CTNNB1: variants seen among roughly 807,000 people sequenced by gnomAD.
CTNNB1 encodes catenin beta-1.
CTNNB1 carries 6 observed loss-of-function variants against 82.5 expected under a neutral mutation model. The observed-to-expected ratio is 0.07, with a 90% confidence interval of 0.04 to 0.14. The LOEUF is 0.14. CTNNB1 is among the 10% of genes least tolerant of loss of function. The pLI is 1.00. For synonymous variants in CTNNB1, 312 were observed against 329.7 expected, an observed-to-expected ratio of 0.95 and a Z score of 0.58; for missense variants, 529 against 980.4, an observed-to-expected ratio of 0.54 and a Z score of 6.15.
chr3:41,203,409 G>A (rs1053527844), intron 1 of CTNNB1, among the ~76,000 whole-genome samples: 2 of 152,114 alleles, frequency 1.3e-5, no homozygotes, highest in Admixed American at 1.3e-4. Context: ...GTCACTTTGA[G>A]TAGGCAGTTC....
At chr3:41,236,813 G>A (rs748292485) in intron 13 of CTNNB1, 104 bp downstream of exon 13, 22 of 1,474,236 alleles carry the variant, frequency 1.5e-5, no homozygotes, top group Non-Finnish European at 2.1e-5. Flanking sequence ...TTGCATTGAT[G>A]TTTCCCTGGC....
rs2125656823 is a variant in CTNNB1, at chr3:41,240,321, C to CTTG, written c.*982_*984dup. On this transcript the variant is annotated 3_prime_UTR_variant, in exon 15 of 15. Transcript: ENST00000349496. The stretch of plus-strand genomic sequence containing the variant: ...ATCAGTAAGAGGTGTTATTTGGAAC[C>CTTG]TTGTTTTGGACAGTTTACCAGTTGC... The CTTG allele has an allele frequency of 5.2e-6, 1 of 191,160 alleles. No individual in the cohort carries two copies. The highest frequency in any genetic ancestry group is 1.1e-5 in the Non-Finnish European group (1 of 90,948). The allele number at this position is 191,160 out of a possible 1,614,324, so 11.8% of individuals were successfully genotyped here. A position where few individuals can be genotyped will look rare whatever the true frequency, so the allele number is the denominator to read the frequency against.
intron 1 of CTNNB1, among the ~76,000 whole-genome samples, chr3:41,222,881 A>G (rs1219057754): frequency 6.6e-6 from 1 of 152,136 alleles, no homozygotes; most frequent in African/African-American, 2.4e-5. Flanking sequence ...TGGGGAACCA[A>G]TTTTTCAGAA....
chr3:41,233,980 G>A (rs763047359), intron 9 of CTNNB1, 113 bp downstream of exon 9: 1 of 1,424,006 alleles, frequency 7.0e-7, no homozygotes, highest in Non-Finnish European at 9.9e-7. Context: ...GTATTCCTTA[G>A]TAAGTAGGAA....
intron 1 of CTNNB1, chr3:41,220,999 G>C (rs780506995): frequency 1.3e-5 from 2 of 152,174 alleles, no homozygotes; most frequent in Non-Finnish European, 2.9e-5. Flanking sequence ...GGTGAATTTT[G>C]AAGTATCCTT....
chr3:41,229,088 T>C (rs180734956), intron 7 of CTNNB1, among the ~76,000 whole-genome samples: 1 of 152,354 alleles, frequency 6.6e-6, no homozygotes, highest in East Asian at 1.9e-4. Flanking sequence ...ACCAGTACCA[T>C]GCTGTGATTG....
In CTNNB1 at chr3:41,217,263, G is replaced by C. The variant is rs541289755; in HGVS notation, c.-48-6758G>C. ...TGTCTCTTCCTCACAGGCCTTCCCT[G>C]ACCACCCACTAGAGTAGCACATCTT... is the stretch of plus-strand genomic sequence containing the variant. On this transcript the variant is annotated intron_variant, in intron 1 of 14. Transcript: ENST00000349496. Among the ~76,000 whole-genome samples the C allele has an allele frequency of 2.6e-4, 39 of 152,148 alleles. 1 individual carries two copies. The South Asian group carries it at 7.1e-3, about 28-fold the overall frequency.
Position 41,208,578 on chromosome 3 carries a change from A to C in CTNNB1, c.-49+8908A>C, listed in dbSNP as rs139303654. ...CTATCCAAGCTTTTCCCTGTTCCTCACCCTCACTTCTATACAGCTGAAGTT... is the reference window on the plus strand; with the variant it reads ...CTATCCAAGCTTTTCCCTGTTCCTCCCCCTCACTTCTATACAGCTGAAGTT... On this transcript the variant is annotated intron_variant, in intron 1 of 14. Transcript: ENST00000349496. 4.5e-3 allele frequency among the ~76,000 whole-genome samples: 684 copies of C among 152,014 alleles called. 6 individuals are homozygous for C. The highest frequency in any genetic ancestry group is 0.016 in the African/African-American group (653 of 41,440).
intron 13 of CTNNB1, 65 bp from the exon 14 acceptor site, chr3:41,237,951 T>TA: frequency 7.4e-7 from 1 of 1,354,898 alleles, no homozygotes; most frequent in Non-Finnish European, 1.1e-6. Flanking sequence ...TAAAAAAAAT[T>TA]AGTGTACTTT....
At chr3:41,223,416 G>C (rs1244471741) in intron 1 of CTNNB1, among the ~76,000 whole-genome samples, 1 of 152,016 alleles carries the variant, frequency 6.6e-6, no homozygotes, top group Non-Finnish European at 1.5e-5. Flanking sequence ...TTTGAACTTA[G>C]AAAAATTTTA....
In CTNNB1 at chr3:41,239,228, T is replaced by C; in HGVS notation, c.2232T>C (p.Pro744=). 2 of 1,614,144 alleles carry C rather than the reference T, an allele frequency of 1.2e-6. No individual in the cohort carries two copies. Among genetic ancestry groups the C allele is most frequent in the Non-Finnish European group, 1.7e-6 (2 of 1,179,964 alleles). The change falls in exon 15 of 15, where the codon CCT becomes CCC. Residue 744 remains proline (P), a synonymous_variant. Transcript: ENST00000349496. ...MMEHEMGGHH[P]GADYPVDGLP... Reference sequence around the variant, plus strand: ...AACATGAGATGGGTGGCCACCACCCTGGTGCTGACTATCCAGTTGATGGGC... The same window carrying C: ...AACATGAGATGGGTGGCCACCACCCCGGTGCTGACTATCCAGTTGATGGGC...
intron 1 of CTNNB1, among the ~76,000 whole-genome samples, chr3:41,201,720 A>G: frequency 6.6e-6 from 1 of 152,180 alleles, no homozygotes; most frequent in East Asian, 1.9e-4. Context: ...AAGGTGGCTA[A>G]TTAAAAAAAA....
At chr3:41,220,557 A>G (rs1456782888) in intron 1 of CTNNB1, 1 of 152,180 alleles carries the variant, frequency 6.6e-6, no homozygotes, top group Non-Finnish European at 1.5e-5. Context: ...TCTAGATGGC[A>G]AAGTATTACT....
chr3:41,234,018 GAAATGT>G, intron 9 of CTNNB1, 115 bp from the exon 10 acceptor site: 1 of 1,461,350 alleles, frequency 6.8e-7, no homozygotes, highest in South Asian at 1.2e-5. Context: ...GTAAGATTCT[GAAATGT>G]TTGTGTAGTC....
Position 41,233,550 on chromosome 3 carries a change from G to A in CTNNB1, c.1207G>A (p.Gly403Arg), listed in dbSNP as rs2125638724. The change falls in exon 9 of 15, where the codon GGG (glycine) becomes AGG (arginine). Residue 403 changes from glycine (G) to arginine (R), a missense_variant. Physicochemically the swap from Gly to Arg is moderately radical, Grantham distance 125. This residue lies in a region of CTNNB1 where 411 missense variants were observed against 776.4 expected (regional missense o/e 0.53). Coordinates refer to ENST00000349496, the MANE Select transcript of CTNNB1 (RefSeq NM_001904.4). ...TKQEGMEGLL[G>R]TLVQLLGSDD... is the part of the protein sequence containing the mutation. ...ATAGGAAGGGATGGAAGGTCTCCTTGGGACTCTTGTTCAGCTTCTGGGTTC... is the reference window on the plus strand; with the variant it reads ...ATAGGAAGGGATGGAAGGTCTCCTTAGGACTCTTGTTCAGCTTCTGGGTTC... 6.2e-7 allele frequency: 1 copy of A among 1,614,130 alleles called. No homozygotes were observed. Among genetic ancestry groups the A allele is most frequent in the Non-Finnish European group, 8.5e-7 (1 of 1,180,016 alleles).
rs1055236737 is a variant in CTNNB1, at chr3:41,219,330, A to G, written c.-48-4691A>G. Reference sequence around the variant, plus strand: ...GGAGTTACTCATTGGTGAGACTAACAATAAATCACACATGCAAAGGATGTT... The same window carrying G: ...GGAGTTACTCATTGGTGAGACTAACGATAAATCACACATGCAAAGGATGTT... On this transcript the variant is annotated intron_variant, in intron 1 of 14. Coordinates refer to ENST00000349496, the MANE Select transcript of CTNNB1 (RefSeq NM_001904.4). Among the ~76,000 whole-genome samples the G allele has an allele frequency of 2.0e-5, 3 of 152,238 alleles. No individual in the cohort carries two copies. The East Asian group carries it at 5.8e-4, about 29-fold the overall frequency.
chr3:41,200,174 C>G (rs766398035), intron 1 of CTNNB1: 2 of 152,148 alleles, frequency 1.3e-5, no homozygotes, highest in Non-Finnish European at 2.9e-5. Flanking sequence ...GGGGATCGGA[C>G]CAGTGGACTT....
intron 2 of CTNNB1, 124 bp downstream of exon 2, chr3:41,224,205 A>AT: frequency 2.5e-6 from 3 of 1,209,850 alleles, no homozygotes; most frequent in Non-Finnish European, 3.7e-6. Context: ...CTTTTGCTCC[A>AT]TTTTCTGCTC....
intron 1 of CTNNB1, among the ~76,000 whole-genome samples, chr3:41,201,092 T>G (rs571885940): frequency 5.3e-5 from 8 of 152,346 alleles, no homozygotes; most frequent in Non-Finnish European, 1.2e-4. Context: ...TAAGTTGTAG[T>G]TTGTCTGGAA....
Sources: allele counts gnomAD v4.1 joint callset (sites outside exome capture counted in the v4.1 genomes callset), GRCh38; gene constraint gnomAD v4.1.1; regional missense constraint gnomAD v4.1.1; transcripts MANE v1.5; gene names NCBI Gene and HGNC (gene_info 2026-07-23, HGNC 2026-07-21).